Variants in GTF2E2 observed in about 807,000 individuals in gnomAD.
GTF2E2 encodes the protein general transcription factor IIE subunit 2.
A neutral mutation model predicts 40.5 loss-of-function variants in GTF2E2; 21 were observed. That is an observed-to-expected ratio of 0.52 (90% CI 0.37 to 0.75). The LOEUF is 0.75. Among genes scored for constraint, GTF2E2 ranks in the 30% least tolerant of loss-of-function variants. The pLI, the probability that GTF2E2 is intolerant of heterozygous loss-of-function variation, is 0.00. For missense variants in GTF2E2, 298 were observed against 338.4 expected (o/e 0.88, Z 0.94); for synonymous variants, 117 against 121.6 (o/e 0.96, Z 0.25).
intron 1 of GTF2E2, among the ~76,000 whole-genome samples, 191 bp downstream of exon 1, chr8:30,657,782 G>T (rs1359257942): frequency 6.6e-6 from 1 of 152,162 alleles, no homozygotes; most frequent in South Asian, 2.1e-4. Flanking sequence ...TTTGCTCAAT[G>T]AACCTCTGGC....
chr8:30,652,383 T>C (rs1802310114), intron 2 of GTF2E2, among the ~76,000 whole-genome samples: 1 of 151,950 alleles, frequency 6.6e-6, no homozygotes, highest in African/African-American at 2.4e-5. Context: ...AGAGGAAATA[T>C]ACCTCAGTTT....
At chr8:30,652,731 A>G (rs555300424) in intron 2 of GTF2E2, among the ~76,000 whole-genome samples, 3 of 152,248 alleles carry the variant, frequency 2.0e-5, no homozygotes, top group African/African-American at 4.8e-5. Flanking sequence ...AGATAAAAAG[A>G]TATGTCTACA....
intron 3 of GTF2E2, among the ~76,000 whole-genome samples, chr8:30,615,012 T>C (rs1563488821): frequency 6.6e-6 from 1 of 151,966 alleles, no homozygotes; most frequent in Non-Finnish European, 1.5e-5. Flanking sequence ...GCACAGTGGC[T>C]CATGGCTGTA....
intron 2 of GTF2E2, chr8:30,645,222 G>T: frequency 7.6e-7 from 1 of 1,317,132 alleles, no homozygotes; most frequent in Non-Finnish European, 1.0e-6. Flanking sequence ...TTAGTACTGA[G>T]ATTTGAATTA....
chr8:30,621,601 G>A (rs1801104065), intron 3 of GTF2E2, among the ~76,000 whole-genome samples: 1 of 152,122 alleles, frequency 6.6e-6, no homozygotes, highest in Admixed American at 6.5e-5. Flanking sequence ...ATTATTGGAT[G>A]ACTTTTGGTG....
intron 4 of GTF2E2, 141 bp downstream of exon 4, chr8:30,614,467 C>G: frequency 1.9e-6 from 1 of 540,058 alleles, no homozygotes; most frequent in Non-Finnish European, 3.3e-6. Context: ...GTAGTCCCAA[C>G]TACTCGGGAG....
At chr8:30,620,486 A>C (rs903834688) in intron 3 of GTF2E2, among the ~76,000 whole-genome samples, 5 of 152,110 alleles carry the variant, frequency 3.3e-5, no homozygotes, top group African/African-American at 9.7e-5. Context: ...TATACTGTTA[A>C]AAAAATTATT....
At chr8:30,592,953 C>G (rs1828891682) in intron 6 of GTF2E2, among the ~76,000 whole-genome samples, 1 of 152,170 alleles carries the variant, frequency 6.6e-6, no homozygotes, top group Non-Finnish European at 1.5e-5. Flanking sequence ...GTAATCCCAG[C>G]ACTTTGGGAG....
In GTF2E2 at chr8:30,594,356, G is replaced by A. The variant is rs1228994733; in HGVS notation, c.643+12701C>T. On this transcript the variant is annotated intron_variant, in intron 6 of 7. Transcript: ENST00000355904. ...CACTGCAACCTCCACCTCCCCAGCT[G>A]AAGCAATTCTACTGCCTCAGCCTCC... is the stretch of plus-strand genomic sequence containing the variant. Among the ~76,000 whole-genome samples the A allele has an allele frequency of 2.6e-5, 4 of 151,498 alleles. No individual in the cohort carries two copies. In the East Asian group the frequency reaches 7.9e-4, roughly 30 times the overall value.
At chr8:30,579,145 G>A (rs756953080) in intron 7 of GTF2E2, 108 bp from the exon 8 acceptor site, 36 of 716,144 alleles carry the variant, frequency 5.0e-5, no homozygotes, top group Non-Finnish European at 7.4e-5. Flanking sequence ...TGCCAGGTTC[G>A]GACCCTTCTC....
chr8:30,586,429 T>C (rs975931565), intron 6 of GTF2E2, among the ~76,000 whole-genome samples: 2 of 152,138 alleles, frequency 1.3e-5, no homozygotes, highest in African/African-American at 4.8e-5. Flanking sequence ...GGATTCTGAA[T>C]TGGAAGAATT....
At chr8:30,593,698 G>A (rs1417041900) in intron 6 of GTF2E2, among the ~76,000 whole-genome samples, 2 of 151,980 alleles carry the variant, frequency 1.3e-5, no homozygotes, top group Non-Finnish European at 2.9e-5. Flanking sequence ...GTTTCGCCAC[G>A]TTGCCCAGGC....
intron 3 of GTF2E2, among the ~76,000 whole-genome samples, chr8:30,622,644 T>G (rs1047265413): frequency 6.6e-6 from 1 of 152,002 alleles, no homozygotes; most frequent in South Asian, 2.1e-4. Flanking sequence ...TATGGGAGAC[T>G]GGGGCTTATT....
intron 3 of GTF2E2, among the ~76,000 whole-genome samples, chr8:30,625,933 T>C (rs371771187): frequency 7.9e-5 from 12 of 152,174 alleles, no homozygotes; most frequent in African/African-American, 1.7e-4. Context: ...TAGGGGCAGT[T>C]AGGCCACTGA....
intron 6 of GTF2E2, among the ~76,000 whole-genome samples, chr8:30,590,603 A>G (rs1201743466): frequency 6.6e-6 from 1 of 152,190 alleles, no homozygotes; most frequent in Admixed American, 6.5e-5. Flanking sequence ...GTAAATCTTC[A>G]TGACCTTGGA....
At chr8:30,609,743 G>A (rs1829429444) in intron 5 of GTF2E2, among the ~76,000 whole-genome samples, 2 of 152,190 alleles carry the variant, frequency 1.3e-5, no homozygotes, top group African/African-American at 4.8e-5. Context: ...CAATGTTGGA[G>A]GTGGGGCCTG....
At chr8:30,626,506 T>C (rs948635500) in intron 3 of GTF2E2, among the ~76,000 whole-genome samples, 1 of 152,144 alleles carries the variant, frequency 6.6e-6, no homozygotes, top group African/African-American at 2.4e-5. Context: ...AGAAGTAAAA[T>C]GTATTGTGAA....
At chr8:30,580,196 T>A in intron 7 of GTF2E2, 85 bp downstream of exon 7, 1 of 764,400 alleles carries the variant, frequency 1.3e-6, no homozygotes, top group Non-Finnish European at 2.3e-6. Flanking sequence ...GGGGAACAAC[T>A]CCCAGCTCTT....
At chr8:30,640,981 A>C (rs1801800947) in intron 2 of GTF2E2, among the ~76,000 whole-genome samples, 1 of 152,164 alleles carries the variant, frequency 6.6e-6, no homozygotes, top group South Asian at 2.1e-4. Context: ...CTAGGATTAC[A>C]GGCCTAATGG....
Sources: gnomAD v4.1 joint callset for allele counts (sites outside exome capture counted in the v4.1 genomes callset) on GRCh38, gnomAD v4.1.1 for gene constraint, MANE v1.5 for transcripts, NCBI Gene and HGNC (gene_info 2026-07-23, HGNC 2026-07-21) for gene names.